SLC31A1: variants seen among roughly 807,000 people sequenced by gnomAD.
The protein encoded by SLC31A1 is high affinity copper uptake protein 1.
In SLC31A1, 5 loss-of-function variants were observed where a neutral mutation model predicts 17.2. That is an observed-to-expected ratio of 0.29 (90% CI 0.15 to 0.61). The LOEUF (loss-of-function observed/expected upper bound fraction) is 0.61. SLC31A1 is among the 20% of genes least tolerant of loss of function. The pLI, the probability that SLC31A1 is intolerant of heterozygous loss-of-function variation, is 0.86. For missense variants in SLC31A1, 161 were observed against 241.4 expected, an observed-to-expected ratio of 0.67 and a Z score of 2.21; for synonymous variants, 76 against 78.8, an observed-to-expected ratio of 0.96 and a Z score of 0.19.
At chr9:113,249,100 C>T (rs976224481) in intron 1 of SLC31A1, among the ~76,000 whole-genome samples, 1 of 148,676 alleles carries the variant, frequency 6.7e-6, no homozygotes, top group Admixed American at 6.6e-5. Flanking sequence ...CCAGGACATA[C>T]AATCAGATCA....
chr9:113,235,969 A>G (rs1831453780), intron 1 of SLC31A1, among the ~76,000 whole-genome samples: 1 of 152,232 alleles, frequency 6.6e-6, no homozygotes, highest in Non-Finnish European at 1.5e-5. Context: ...ATCAATCATT[A>G]TTCAGAATGC....
chr9:113,243,844 G>A (rs975283457), intron 1 of SLC31A1, among the ~76,000 whole-genome samples: 3 of 152,126 alleles, frequency 2.0e-5, no homozygotes, highest in Non-Finnish European at 4.4e-5. Flanking sequence ...TTAGCCAAGA[G>A]TTTATGAGTA....
intron 1 of SLC31A1, among the ~76,000 whole-genome samples, chr9:113,229,138 G>A (rs779053071): frequency 2.0e-5 from 3 of 152,178 alleles, no homozygotes; most frequent in Admixed American, 6.5e-5. Context: ...GATCCACTGC[G>A]CCTGACTGAT....
At chr9:113,223,043 G>A (rs1038036166) in intron 1 of SLC31A1, among the ~76,000 whole-genome samples, 2 of 150,984 alleles carry the variant, frequency 1.3e-5, no homozygotes, top group Non-Finnish European at 2.9e-5. Flanking sequence ...TTTATGACAT[G>A]TCCTTCCAGC....
At chr9:113,227,088 A>G (rs529159112) in intron 1 of SLC31A1, among the ~76,000 whole-genome samples, 9 of 152,240 alleles carry the variant, frequency 5.9e-5, no homozygotes, top group African/African-American at 1.9e-4. Flanking sequence ...TAGGTATGCA[A>G]TAAATAGTGA....
intron 1 of SLC31A1, among the ~76,000 whole-genome samples, chr9:113,221,955 C>T (rs1344562182): frequency 2.6e-5 from 4 of 152,278 alleles, no homozygotes; most frequent in Non-Finnish European, 4.4e-5. Context: ...GATTTTAGAG[C>T]TCAGAGGCCA....
intron 1 of SLC31A1, among the ~76,000 whole-genome samples, chr9:113,241,449 A>G (rs1831520205): frequency 6.6e-6 from 1 of 152,186 alleles, no homozygotes; most frequent in South Asian, 2.1e-4. Flanking sequence ...TTGCTTCCTT[A>G]TATTTCTGGA....
chr9:113,222,315 C>A (rs1437491487), intron 1 of SLC31A1, among the ~76,000 whole-genome samples: 2 of 152,132 alleles, frequency 1.3e-5, no homozygotes, highest in African/African-American at 4.8e-5. Context: ...CAGACACATC[C>A]CCACCCCAAC....
In SLC31A1 at chr9:113,260,290, T is replaced by C; in HGVS notation, c.390T>C (p.Phe130=). Residue 130 remains phenylalanine (F), a synonymous_variant, in exon 5 of 5, where the codon TTT becomes TTC. Coordinates refer to ENST00000374212, the MANE Select transcript of SLC31A1 (RefSeq NM_001859.4). ...HKTVGQQMLS[F]PHLLQTVLHI... Reference sequence around the variant, plus strand: ...TCTCCAGGCAACAGATGCTGAGCTTTCCTCACCTCCTGCAAACAGTGCTGC... The same window carrying C: ...TCTCCAGGCAACAGATGCTGAGCTTCCCTCACCTCCTGCAAACAGTGCTGC... 1 of 1,614,132 alleles carries C rather than the reference T, an allele frequency of 6.2e-7. No homozygotes were observed. The highest frequency in any genetic ancestry group is 8.5e-7 in the Non-Finnish European group (1 of 1,179,980).
At chr9:113,223,516 G>T (rs1224605394) in intron 1 of SLC31A1, among the ~76,000 whole-genome samples, 2 of 152,076 alleles carry the variant, frequency 1.3e-5, no homozygotes, top group African/African-American at 4.8e-5. Flanking sequence ...GTAACTGCTG[G>T]GGATACAAAG....
At position 113,258,639 on chromosome 9, in the gene SLC31A1, G is replaced by C; in HGVS notation, c.203-55G>C. 3 of 1,586,570 alleles carry C rather than the reference G, an allele frequency of 1.9e-6. No individual in the cohort carries two copies. The highest frequency in any genetic ancestry group is 2.6e-6 in the Non-Finnish European group (3 of 1,156,442). On this transcript the variant is annotated intron_variant, in intron 3 of 4. Transcript: ENST00000374212. This position sits in a 1 kb window ranked among gnomAD's most constrained non-coding sequence, Gnocchi z 4.8. ...GTCTTTCTAGCTGGACAGCACATTGGCTAATGATTTTGCACATGTTTGACA... is the reference window on the plus strand; with the variant it reads ...GTCTTTCTAGCTGGACAGCACATTGCCTAATGATTTTGCACATGTTTGACA...
rs1294115357 is a variant in SLC31A1 at position 113,263,772 on chromosome 9, G to C, written c.*3299G>C. Reference sequence around the variant, plus strand: ...GAATCTTAGGTGCCGTCTCTAGTCTGTGAGGGAGGAACTCCCAGCATCCCC... The same window carrying C: ...GAATCTTAGGTGCCGTCTCTAGTCTCTGAGGGAGGAACTCCCAGCATCCCC... On this transcript the variant is annotated 3_prime_UTR_variant, in exon 5 of 5. Transcript: ENST00000374212. 6.6e-6 allele frequency: 1 copy of C among 152,410 alleles called. No homozygotes were observed. The highest frequency in any genetic ancestry group is 1.5e-5 in the Non-Finnish European group (1 of 68,048). The allele number at this position is 152,410 out of a possible 1,614,324, so 9.4% of individuals were successfully genotyped here.
chr9:113,253,821 T>A (rs1217429883), intron 1 of SLC31A1, among the ~76,000 whole-genome samples: 1 of 152,112 alleles, frequency 6.6e-6, no homozygotes, highest in African/African-American at 2.4e-5. Context: ...TATGCCTACC[T>A]GATGCTTTGC....
At chr9:113,260,199 AC>A in intron 4 of SLC31A1, 72 bp from the exon 5 acceptor site, 1 of 1,320,018 alleles carries the variant, frequency 7.6e-7, no homozygotes. Flanking sequence ...CATGGCAAGA[AC>A]TCTTCCCTCT....
At chr9:113,239,590 A>AT (rs890307324) in intron 1 of SLC31A1, among the ~76,000 whole-genome samples, 25 of 150,366 alleles carry the variant, frequency 1.7e-4, no homozygotes, top group African/African-American at 4.9e-4. Context: ...GACCTTTAAG[A>AT]TTTTTTTTTT....
chr9:113,235,610 T>C (rs1831448858), intron 1 of SLC31A1, among the ~76,000 whole-genome samples: 1 of 152,210 alleles, frequency 6.6e-6, no homozygotes, highest in Admixed American at 6.5e-5. Flanking sequence ...AGACTGTGTA[T>C]GATTTTAGAA....
chr9:113,232,676 T>TA (rs35958459), intron 1 of SLC31A1, among the ~76,000 whole-genome samples: 47,224 of 129,082 alleles, frequency 0.37, 8,210 homozygotes, highest in African/African-American at 0.45. Flanking sequence ...TACTAAAAAT[T>TA]AAAAAAAAAA....
chr9:113,260,549 A>C lies in SLC31A1; in HGVS notation c.*76A>C. The C allele has an allele frequency of 8.7e-7, 1 of 1,148,102 alleles. No homozygotes were observed. Among genetic ancestry groups the C allele is most frequent in the Non-Finnish European group, 1.3e-6 (1 of 774,494 alleles). 71.1% of individuals were successfully genotyped at this position (1,148,102 alleles called of 1,614,324 possible). A position where few individuals can be genotyped will look rare whatever the true frequency, so the allele number is the denominator to read the frequency against. On this transcript the variant is annotated 3_prime_UTR_variant, in exon 5 of 5. Transcript: ENST00000374212. ...GACTTGAAGACGTGATTCCTGCTCC[A>C]ATCATCCCTTCTTGCTCCTCTTTGT...
chr9:113,258,232 AT>A lies in SLC31A1; in HGVS notation c.203-459del, dbSNP rs777472346. On this transcript the variant is annotated intron_variant, in intron 3 of 4. Transcript: ENST00000374212. The surrounding 1 kb of genome is among the most constrained non-coding windows in gnomAD (Gnocchi z 4.8). ...AATTTGTTTTGGGAAGAAGGAGAGC[AT>A]TTAGTTCAGGTAATGTGTTAAATTA... Among the ~76,000 whole-genome samples the A allele has an allele frequency of 6.6e-6, 1 of 152,242 alleles. No individual in the cohort carries two copies. The highest frequency in any genetic ancestry group is 2.4e-5 in the African/African-American group (1 of 41,460).
Sources: gnomAD v4.1 joint callset for allele counts (sites outside exome capture counted in the v4.1 genomes callset) on GRCh38, gnomAD v4.1.1 for gene constraint, Gnocchi (gnomAD v3.1) non-coding constraint, MANE v1.5 for transcripts, NCBI Gene and HGNC (gene_info 2026-07-23, HGNC 2026-07-21) for gene names.